Variants in MYO5A observed in about 807,000 individuals in gnomAD.
The protein encoded by MYO5A is unconventional myosin-Va.
MYO5A carries 98 observed loss-of-function variants against 249.7 expected under a neutral mutation model. The ratio of observed to expected loss-of-function variants is 0.39; its 90% CI spans 0.33 to 0.46. MYO5A has a LOEUF of 0.46. MYO5A is among the 20% of genes least tolerant of loss of function. The probability of loss-of-function intolerance (pLI) is 0.98; values close to 1 mark genes in which losing one functional copy is unlikely to be tolerated. For synonymous variants in MYO5A, 778 were observed against 810.6 expected, an observed-to-expected ratio of 0.96 and a Z score of 0.68; for missense variants, 1,696 against 2,308.8, an observed-to-expected ratio of 0.73 and a Z score of 5.44.
chr15:52,430,895 G>C (rs1329322191), intron 2 of MYO5A, among the ~76,000 whole-genome samples: 3 of 151,848 alleles, frequency 2.0e-5, no homozygotes, highest in Admixed American at 2.0e-4. Context: ...CATTGGACTG[G>C]AGAAAAAAGG....
chr15:52,438,155 C>A, intron 1 of MYO5A: 6 of 580,962 alleles, frequency 1.0e-5, no homozygotes, highest in Non-Finnish European at 1.3e-5. Context: ...AAATCTCAAC[C>A]TGATATGCCA....
At position 52,396,408 on chromosome 15, in the gene MYO5A, A is replaced by T. The variant is rs750321060; in HGVS notation, c.1320-11T>A. 1 of 1,467,130 alleles carries T rather than the reference A, an allele frequency of 6.8e-7. No homozygotes were observed. The highest frequency in any genetic ancestry group is 1.2e-5 in the South Asian group (1 of 85,732). The allele number at this position is 1,467,130 out of a possible 1,614,324, so 90.9% of individuals were successfully genotyped here. On this transcript the variant is annotated splice_polypyrimidine_tract_variant and intron_variant, in intron 10 of 41. Transcript: ENST00000399233. ...TCAAATGTTTCAAATCTGTAACCACAAAAATAATATGAAAAGGGGAGAAAA... is the reference window on the plus strand; with the variant it reads ...TCAAATGTTTCAAATCTGTAACCACTAAAATAATATGAAAAGGGGAGAAAA...
chr15:52,507,744 C>A (rs749391745), intron 1 of MYO5A, among the ~76,000 whole-genome samples: 23 of 144,828 alleles, frequency 1.6e-4, no homozygotes, highest in Non-Finnish European at 3.1e-4. Flanking sequence ...GTCGAGGCTG[C>A]AGTGAGCCAT....
intron 1 of MYO5A, among the ~76,000 whole-genome samples, chr15:52,513,981 G>A (rs2141630418): frequency 6.6e-6 from 1 of 152,270 alleles, no homozygotes; most frequent in Admixed American, 6.5e-5. Context: ...CTGGCCAAGA[G>A]AAGAATAAAG....
intron 1 of MYO5A, among the ~76,000 whole-genome samples, chr15:52,447,469 G>C (rs1378583766): frequency 6.6e-6 from 1 of 152,132 alleles, no homozygotes; most frequent in Non-Finnish European, 1.5e-5. Context: ...TTATAGCAAT[G>C]CAAGAACAAA....
chr15:52,478,956 G>C (rs1230557050), intron 1 of MYO5A, among the ~76,000 whole-genome samples: 1 of 152,098 alleles, frequency 6.6e-6, no homozygotes, highest in African/African-American at 2.4e-5. Context: ...ACTGTGAACA[G>C]TGCCATGTGC....
intron 36 of MYO5A, among the ~76,000 whole-genome samples, chr15:52,324,909 A>G (rs1335534857): frequency 1.3e-5 from 2 of 152,208 alleles, no homozygotes; most frequent in East Asian, 3.8e-4. Context: ...TCCTGACTTT[A>G]CCACTAAGTA....
chr15:52,411,219 T>C (rs1413915267), intron 5 of MYO5A, among the ~76,000 whole-genome samples: 3 of 152,220 alleles, frequency 2.0e-5, no homozygotes, highest in Admixed American at 2.0e-4. Flanking sequence ...GAATATTTCC[T>C]GGAAATGCTG....
chr15:52,439,627 T>C (rs1310324530), intron 1 of MYO5A, among the ~76,000 whole-genome samples: 2 of 152,150 alleles, frequency 1.3e-5, no homozygotes, highest in Non-Finnish European at 2.9e-5. Flanking sequence ...TCCACAGGCT[T>C]AGCTCAGGAT....
intron 34 of MYO5A, chr15:52,331,784 C>A (rs1025231136): frequency 5.1e-6 from 5 of 985,288 alleles, no homozygotes; most frequent in Admixed American, 6.2e-5. Flanking sequence ...GGACTATCAG[C>A]GCTGAAAATC....
intron 1 of MYO5A, among the ~76,000 whole-genome samples, chr15:52,471,166 T>C (rs2076458870): frequency 6.6e-6 from 1 of 152,208 alleles, no homozygotes; most frequent in Non-Finnish European, 1.5e-5. Context: ...ATAGTCCTGA[T>C]TATAAACTTG....
At chr15:52,317,455 A>G (rs1268128826) in intron 39 of MYO5A, among the ~76,000 whole-genome samples, 1 of 152,220 alleles carries the variant, frequency 6.6e-6, no homozygotes, top group Non-Finnish European at 1.5e-5. Context: ...TTAATGGAAG[A>G]TGGAAATGAA....
At chr15:52,441,157 T>C (rs2075777242) in intron 1 of MYO5A, among the ~76,000 whole-genome samples, 2 of 152,028 alleles carry the variant, frequency 1.3e-5, no homozygotes, top group African/African-American at 4.8e-5. Context: ...GTATAAAAAA[T>C]TCAGGAACTA....
At chr15:52,346,628 C>G in intron 29 of MYO5A, 167 bp from the exon 30 acceptor site, 1 of 692,524 alleles carries the variant, frequency 1.4e-6, no homozygotes, top group Non-Finnish European at 2.6e-6. Context: ...GGGAGTTTGG[C>G]CCAGGTAGTT....
intron 39 of MYO5A, 106 bp from the exon 40 acceptor site, chr15:52,317,328 GCAGT>G: frequency 8.8e-7 from 1 of 1,133,694 alleles, no homozygotes. Context: ...AAAATGACAG[GCAGT>G]ATTTTTGTTC....
chr15:52,444,966 T>C (rs1457730510), intron 1 of MYO5A, among the ~76,000 whole-genome samples: 10 of 152,224 alleles, frequency 6.6e-5, no homozygotes, highest in East Asian at 3.8e-4. Context: ...TGGGAAATAA[T>C]AGACAGGTGC....
chr15:52,461,044 C>A (rs2076238260), intron 1 of MYO5A, among the ~76,000 whole-genome samples: 1 of 152,142 alleles, frequency 6.6e-6, no homozygotes, highest in Admixed American at 6.5e-5. Flanking sequence ...CTCAACCTTC[C>A]CAGGCTCAGA....
chr15:52,472,064 C>T (rs1175710422), intron 1 of MYO5A, among the ~76,000 whole-genome samples: 4 of 139,344 alleles, frequency 2.9e-5, no homozygotes, highest in Non-Finnish European at 6.1e-5. Context: ...GAAGCGTCTT[C>T]TCCTGTTATC....
intron 37 of MYO5A, among the ~76,000 whole-genome samples, chr15:52,322,564 G>C (rs558872475): frequency 1.3e-5 from 2 of 152,304 alleles, no homozygotes; most frequent in East Asian, 3.9e-4. Flanking sequence ...CAGAGATGCT[G>C]TAAGAATTAA....
Sources: gnomAD v4.1 joint callset for allele counts (sites outside exome capture counted in the v4.1 genomes callset) on GRCh38, gnomAD v4.1.1 for gene constraint, MANE v1.5 for transcripts, NCBI Gene and HGNC (gene_info 2026-07-23, HGNC 2026-07-21) for gene names.